Variants in ADAMTSL3 observed in about 807,000 individuals in gnomAD.
ADAMTSL3 encodes the protein ADAMTS-like protein 3.
In ADAMTSL3, 128 loss-of-function variants were observed where a neutral mutation model predicts 201.7. The ratio of observed to expected loss-of-function variants is 0.63; its 90% confidence interval spans 0.55 to 0.73. The LOEUF (loss-of-function observed/expected upper bound fraction) is 0.73. ADAMTSL3 is among the 30% of genes least tolerant of loss of function. The pLI is 0.00. For missense variants in ADAMTSL3, 1,990 were observed against 2,119.6 expected, an observed-to-expected ratio of 0.94 and a Z score of 1.20; for synonymous variants, 738 against 748.4, an observed-to-expected ratio of 0.99 and a Z score of 0.23.
intron 6 of ADAMTSL3, among the ~76,000 whole-genome samples, chr15:83,827,980 A>G (rs1459851510): frequency 6.6e-6 from 1 of 152,210 alleles, no homozygotes; most frequent in African/African-American, 2.4e-5. Flanking sequence ...CTTTTGGGTT[A>G]GGATTGTCTT....
At chr15:83,759,231 T>G (rs553134239) in intron 3 of ADAMTSL3, among the ~76,000 whole-genome samples, 587 of 148,800 alleles carry the variant, frequency 3.9e-3, no homozygotes, top group Admixed American at 9.1e-3. Context: ...TGAATGACAT[T>G]TTTTTTTTTT....
intron 27 of ADAMTSL3, among the ~76,000 whole-genome samples, chr15:84,029,561 A>G (rs913499258): frequency 6.6e-6 from 1 of 152,234 alleles, no homozygotes; most frequent in African/African-American, 2.4e-5. Flanking sequence ...TGGAATTGGA[A>G]CTTATGTTTC....
At chr15:83,755,937 T>G (rs772833308) in intron 3 of ADAMTSL3, among the ~76,000 whole-genome samples, 1 of 152,246 alleles carries the variant, frequency 6.6e-6, no homozygotes. Flanking sequence ...ATTTTTGTAT[T>G]TCTAGTGGAG....
At chr15:83,759,040 C>A (rs974248292) in intron 3 of ADAMTSL3, among the ~76,000 whole-genome samples, 1 of 152,132 alleles carries the variant, frequency 6.6e-6, no homozygotes, top group Non-Finnish European at 1.5e-5. Flanking sequence ...GAAGGCAGAC[C>A]TTTCCCCTTG....
At chr15:83,872,627 C>CACATACACACACACACACAG (rs6145659) in intron 9 of ADAMTSL3, among the ~76,000 whole-genome samples, 3 of 140,918 alleles carry the variant, frequency 2.1e-5, no homozygotes, top group African/African-American at 8.4e-5. Context: ...CACACACACA[C>CACATACACACACACACACAG]AGAGTTTTTG....
intron 2 of ADAMTSL3, among the ~76,000 whole-genome samples, chr15:83,661,733 AC>A (rs2061167317): frequency 6.6e-6 from 1 of 151,868 alleles, no homozygotes; most frequent in South Asian, 2.1e-4. Flanking sequence ...CGAGAAAAAA[AC>A]AAACAACCCC....
chr15:83,778,881 A>G (rs1203217888), intron 4 of ADAMTSL3, among the ~76,000 whole-genome samples: 1 of 152,240 alleles, frequency 6.6e-6, no homozygotes, highest in Non-Finnish European at 1.5e-5. Context: ...CCCATCTCAC[A>G]TGCAGTGACA....
In ADAMTSL3 at chr15:83,830,632, C is replaced by T. The variant is rs1018969551; in HGVS notation, c.601-7457C>T. On this transcript the variant is annotated intron_variant, in intron 6 of 29. Transcript: ENST00000286744. ...TGCAGGATGCATTAGTTTCCTGTGGCAGCTGTGACAAATTACCACAAATTT... is the reference window on the plus strand; with the variant it reads ...TGCAGGATGCATTAGTTTCCTGTGGTAGCTGTGACAAATTACCACAAATTT... Among the ~76,000 whole-genome samples, 5 of 152,308 alleles carry T rather than the reference C, an allele frequency of 3.3e-5. No individual in the cohort carries two copies. The South Asian group carries it at 1.0e-3, about 32-fold the overall frequency.
Position 83,999,061 on chromosome 15 carries a change from A to AT in ADAMTSL3, c.3973+7848dup, listed in dbSNP as rs1596518633. ...TCTCATTATAAAATATTTGGAAAGC[A>AT]TAGCAAAGTATCATGAGGCAAAAAA... On this transcript the variant is annotated intron_variant, in intron 23 of 29. Transcript: ENST00000286744. 3.3e-5 allele frequency among the ~76,000 whole-genome samples: 5 copies of AT among 152,366 alleles called. No homozygotes were observed. In the South Asian group the frequency reaches 1.0e-3, roughly 32 times the overall value.
intron 3 of ADAMTSL3, among the ~76,000 whole-genome samples, chr15:83,705,769 A>G (rs1045006378): frequency 2.6e-5 from 4 of 152,274 alleles, no homozygotes; most frequent in African/African-American, 9.6e-5. Flanking sequence ...GCTTCATTCC[A>G]GAGCTGGGAC....
intron 4 of ADAMTSL3, among the ~76,000 whole-genome samples, chr15:83,801,651 A>AATAAATAT (rs2063518782): frequency 6.1e-4 from 19 of 31,258 alleles, no homozygotes; most frequent in African/African-American, 1.1e-3. Context: ...TATAAATATA[A>AATAAATAT]ATATATATAT....
At chr15:84,012,209 G>A (rs922676983) in intron 23 of ADAMTSL3, among the ~76,000 whole-genome samples, 3 of 152,096 alleles carry the variant, frequency 2.0e-5, no homozygotes, top group African/African-American at 7.2e-5. Context: ...CACCTATGTT[G>A]CACAGAATTG....
chr15:83,934,667 C>T (rs2066428996), intron 17 of ADAMTSL3, among the ~76,000 whole-genome samples: 1 of 152,108 alleles, frequency 6.6e-6, no homozygotes, highest in Non-Finnish European at 1.5e-5. Context: ...TCCCCATAAT[C>T]CCCATGTGTC....
chr15:83,950,799 T>C (rs1215485925), intron 19 of ADAMTSL3, among the ~76,000 whole-genome samples: 1 of 150,574 alleles, frequency 6.6e-6, no homozygotes, highest in African/African-American at 2.4e-5. Context: ...ATTTTTTTGA[T>C]TGTTCGCTGT....
At chr15:83,980,451 A>G (rs964209256) in intron 20 of ADAMTSL3, among the ~76,000 whole-genome samples, 2 of 152,142 alleles carry the variant, frequency 1.3e-5, no homozygotes. Flanking sequence ...CATGTTTTTC[A>G]GCTTTTGATT....
chr15:83,721,385 G>T lies in ADAMTSL3; in HGVS notation c.189+16877G>T, dbSNP rs140800532. Among the ~76,000 whole-genome samples the T allele has an allele frequency of 2.2e-3, 330 of 152,266 alleles. 2 individuals are homozygous for T. The highest frequency in any genetic ancestry group is 7.7e-3 in the African/African-American group (321 of 41,560). ...GCATGTCTTATCATTCATGAGCATT[G>T]ATTAGTGTTGGACCTCACAGTCACA... On this transcript the variant is annotated intron_variant, in intron 3 of 29. Transcript: ENST00000286744.
intron 2 of ADAMTSL3, among the ~76,000 whole-genome samples, chr15:83,691,184 G>A (rs368486200): frequency 6.6e-6 from 1 of 152,068 alleles, no homozygotes; most frequent in East Asian, 1.9e-4. Flanking sequence ...TGACTGCTGG[G>A]TATTTTTCTC....
At chr15:84,024,490 T>C (rs546756598) in intron 26 of ADAMTSL3, among the ~76,000 whole-genome samples, 28 of 152,330 alleles carry the variant, frequency 1.8e-4, no homozygotes, top group African/African-American at 6.7e-4. Context: ...GAAGGAAATA[T>C]TAAATTTCAG....
chr15:83,931,711 G>A (rs752644345), intron 17 of ADAMTSL3, among the ~76,000 whole-genome samples: 3 of 152,144 alleles, frequency 2.0e-5, no homozygotes, highest in Non-Finnish European at 4.4e-5. Context: ...AAAGACACAA[G>A]TAAGAAAACA....
Sources: gnomAD v4.1 joint callset for allele counts (sites outside exome capture counted in the v4.1 genomes callset) on GRCh38, gnomAD v4.1.1 for gene constraint, MANE v1.5 for transcripts, NCBI Gene and HGNC (gene_info 2026-07-23, HGNC 2026-07-21) for gene names.